The following KRIT1 variants were observed in gnomAD, a reference collection of about 807,000 sequenced individuals.
The protein encoded by KRIT1 is krev interaction trapped protein 1.
Under a neutral mutation model 95.8 loss-of-function variants are expected in KRIT1, and 45 were observed. The ratio of observed to expected loss-of-function variants is 0.47; its 90% CI spans 0.37 to 0.60. The LOEUF (loss-of-function observed/expected upper bound fraction) is 0.60. Ranked by LOEUF, KRIT1 falls within the 20% of genes least tolerant of loss-of-function variation. The pLI, the probability that KRIT1 is intolerant of heterozygous loss-of-function variation, is 0.00. For synonymous variants in KRIT1, 282 were observed against 278.8 expected, an observed-to-expected ratio of 1.01 and a Z score of -0.11; for missense variants, 788 against 877.5, an observed-to-expected ratio of 0.90 and a Z score of 1.29.
At chr7:92,229,060 T>C (rs57222334) in intron 10 of KRIT1, among the ~76,000 whole-genome samples, 25 of 152,328 alleles carry the variant, frequency 1.6e-4, no homozygotes, top group East Asian at 1.3e-3. Flanking sequence ...TGTGTGTGCA[T>C]GTGTCTTTAT....
intron 16 of KRIT1, 93 bp downstream of exon 16, chr7:92,213,799 A>C: frequency 1.3e-6 from 1 of 789,474 alleles, no homozygotes; most frequent in Non-Finnish European, 2.3e-6. Flanking sequence ...TCAGGACTAT[A>C]AATTTAATCT....
chr7:92,213,417 G>A lies in KRIT1; in HGVS notation c.1819-16C>T. 6.5e-7 allele frequency: 1 copy of A among 1,544,090 alleles called. No individual in the cohort carries two copies. The highest frequency in any genetic ancestry group is 8.9e-7 in the Non-Finnish European group (1 of 1,117,918). ...TACTGAGATTCTAAAAACAAACAAG[G>A]TAAATTAAAAATAAAAGAGATATGA... On this transcript the variant is annotated splice_polypyrimidine_tract_variant and intron_variant, in intron 16 of 18. Coordinates refer to ENST00000394505, the MANE Select transcript of KRIT1 (RefSeq NM_194454.3).
chr7:92,227,136 A>G lies in KRIT1; in HGVS notation c.990-454T>C, dbSNP rs560329101. Among the ~76,000 whole-genome samples the G allele has an allele frequency of 9.8e-5, 15 of 152,354 alleles. No individual in the cohort carries two copies. The East Asian group carries it at 2.9e-3, about 29-fold the overall frequency. On this transcript the variant is annotated intron_variant, in intron 10 of 18. Coordinates refer to ENST00000394505, the MANE Select transcript of KRIT1 (RefSeq NM_194454.3). ...CACAGTTGCTATATTAGACAATGTG[A>G]AAGAGACAAACATGTATAAAATATG...
At chr7:92,202,870 TAGG>T (rs935498631) in intron 17 of KRIT1, among the ~76,000 whole-genome samples, 34 of 152,330 alleles carry the variant, frequency 2.2e-4, no homozygotes, top group Non-Finnish European at 4.1e-4. Flanking sequence ...ACCTTATACA[TAGG>T]AGGATATACT....
At chr7:92,237,011 G>A (rs76774608) in intron 6 of KRIT1, among the ~76,000 whole-genome samples, 3 of 152,184 alleles carry the variant, frequency 2.0e-5, no homozygotes, top group Non-Finnish European at 4.4e-5. Flanking sequence ...TAGTTTCCAA[G>A]GTGATTTCGT....
At chr7:92,220,132 T>C (rs1794830664) in intron 14 of KRIT1, among the ~76,000 whole-genome samples, 3 of 152,208 alleles carry the variant, frequency 2.0e-5, no homozygotes, top group Admixed American at 1.3e-4. Flanking sequence ...TTCAGTCTTT[T>C]ACCATTGAAT....
chr7:92,237,332 A>G (rs1212056224), intron 6 of KRIT1, among the ~76,000 whole-genome samples: 3 of 152,154 alleles, frequency 2.0e-5, no homozygotes, highest in African/African-American at 7.2e-5. Context: ...ATTTTCCAGA[A>G]TACTTAAGGA....
intron 1 of KRIT1, 157 bp from the exon 2 acceptor site, chr7:92,245,328 A>C (rs1360473740): frequency 6.6e-6 from 1 of 151,906 alleles, no homozygotes. Context: ...GTCAACGTCC[A>C]CTACTGGGGA....
At chr7:92,208,915 C>T (rs890610875) in intron 17 of KRIT1, among the ~76,000 whole-genome samples, 1 of 152,016 alleles carries the variant, frequency 6.6e-6, no homozygotes, top group African/African-American at 2.4e-5. Flanking sequence ...GTCCAACAGT[C>T]CTGAAAAACA....
chr7:92,216,749 T>C (rs953900856), intron 14 of KRIT1, among the ~76,000 whole-genome samples: 3 of 152,194 alleles, frequency 2.0e-5, no homozygotes, highest in Admixed American at 1.3e-4. Flanking sequence ...AATATGCCTA[T>C]GGCTTTTCAA....
At chr7:92,223,273 C>CAAAAAAA (rs568078150) in intron 12 of KRIT1, among the ~76,000 whole-genome samples, 3 of 42,114 alleles carry the variant, frequency 7.1e-5, no homozygotes, top group Non-Finnish European at 1.1e-4. Flanking sequence ...ACTAAAAATA[C>CAAAAAAA]AAAAAAAAAA....
chr7:92,217,490 C>A (rs1001012985), intron 14 of KRIT1, among the ~76,000 whole-genome samples: 1 of 152,078 alleles, frequency 6.6e-6, no homozygotes, highest in Non-Finnish European at 1.5e-5. Flanking sequence ...TATGCCTTTG[C>A]CTATTCTAGA....
At chr7:92,201,888 G>T (rs948572975) in intron 17 of KRIT1, among the ~76,000 whole-genome samples, 1 of 152,152 alleles carries the variant, frequency 6.6e-6, no homozygotes, top group Non-Finnish European at 1.5e-5. Context: ...CACACAGCCT[G>T]CAGCACAGAA....
intron 7 of KRIT1, 197 bp from the exon 8 acceptor site, chr7:92,235,843 A>T (rs914503353): frequency 5.9e-6 from 3 of 508,402 alleles, no homozygotes; most frequent in Non-Finnish European, 6.9e-6. Context: ...ACAAAAAAAC[A>T]TGCATAATAC....
Position 92,236,536 on chromosome 7 carries a change from G to C in KRIT1, c.362C>G (p.Thr121Ser). The change falls in exon 7 of 19, where the codon ACT becomes AGT. Residue 121 changes from threonine to serine, a missense_variant. This residue lies in a region of KRIT1 where 289 missense variants were observed against 277.5 expected (regional missense o/e 1.04). Transcript: ENST00000394505. ...GCATCCTGGGGTATATGTGTATTTA[G>C]TATTATCTGAAAAAGAAAAATGAAG... ...FIVPSVVKDN[T>S]KYTYTPGCPI... 3.9e-6 allele frequency: 6 copies of C among 1,534,170 alleles called. No homozygotes were observed. Among genetic ancestry groups the C allele is most frequent in the Admixed American group, 1.7e-5 (1 of 59,846 alleles).
chr7:92,218,142 C>T (rs1230513609), intron 14 of KRIT1, among the ~76,000 whole-genome samples: 1 of 152,084 alleles, frequency 6.6e-6, no homozygotes, highest in East Asian at 1.9e-4. Context: ...GCCTTGAACT[C>T]CTGGGTTCAA....
At chr7:92,236,742 T>C (rs770330880) in intron 6 of KRIT1, among the ~76,000 whole-genome samples, 200 bp from the exon 7 acceptor site, 4 of 152,160 alleles carry the variant, frequency 2.6e-5, no homozygotes, top group East Asian at 1.9e-4. Flanking sequence ...ATTTAGAATT[T>C]TGGAGGACTG....
At chr7:92,232,451 T>A (rs2131610805) in intron 10 of KRIT1, among the ~76,000 whole-genome samples, 1 of 151,594 alleles carries the variant, frequency 6.6e-6, no homozygotes, top group South Asian at 2.1e-4. Flanking sequence ...GCATATTAAA[T>A]ACAATGCCAT....
At chr7:92,231,198 C>A (rs1797215370) in intron 10 of KRIT1, among the ~76,000 whole-genome samples, 1 of 152,096 alleles carries the variant, frequency 6.6e-6, no homozygotes, top group Non-Finnish European at 1.5e-5. Flanking sequence ...AAGTTCTCTA[C>A]AAGGGGTTAA....
Sources: gnomAD v4.1 joint callset for allele counts (sites outside exome capture counted in the v4.1 genomes callset) on GRCh38, gnomAD v4.1.1 for gene constraint, gnomAD v4.1.1 regional missense constraint, MANE v1.5 for transcripts, NCBI Gene and HGNC (gene_info 2026-07-23, HGNC 2026-07-21) for gene names.